Variants in PPP4R4 observed in about 807,000 individuals in gnomAD.
PPP4R4 encodes the protein serine/threonine-protein phosphatase 4 regulatory subunit 4.
A neutral mutation model predicts 121.8 loss-of-function variants in PPP4R4; 70 were observed. The observed-to-expected ratio is 0.57, with a 90% confidence interval of 0.47 to 0.70. PPP4R4 has a LOEUF of 0.70. PPP4R4 is among the 30% of genes least tolerant of loss of function. PPP4R4 has a pLI of 0.00. For missense variants in PPP4R4, 875 were observed against 1,033.6 expected (o/e 0.85, Z 2.10); for synonymous variants, 348 against 355.7 (o/e 0.98, Z 0.24).
At chr14:94,277,054 T>C (rs1301427880) in intron 24 of PPP4R4, among the ~76,000 whole-genome samples, 1 of 152,044 alleles carries the variant, frequency 6.6e-6, no homozygotes, top group African/African-American at 2.4e-5. Context: ...ATCCCAGCAA[T>C]ATGGGAGGCC....
intron 17 of PPP4R4, among the ~76,000 whole-genome samples, chr14:94,257,673 A>ACACACACACACACACG (rs1305982965): frequency 6.7e-6 from 1 of 148,852 alleles, no homozygotes; most frequent in African/African-American, 2.5e-5. Context: ...ACACACACAC[A>ACACACACACACACACG]CACTTGTTTC....
intron 13 of PPP4R4, 30 bp downstream of exon 13, chr14:94,245,700 G>T: frequency 6.8e-7 from 1 of 1,461,810 alleles, no homozygotes; most frequent in Non-Finnish European, 9.5e-7. Flanking sequence ...AACATTCTGA[G>T]TTGTGTAAAT....
In PPP4R4 at chr14:94,248,702, A is replaced by G. The variant is rs144882900; in HGVS notation, c.1612-1470A>G. On this transcript the variant is annotated intron_variant, in intron 14 of 24. Coordinates refer to ENST00000304338, the MANE Select transcript of PPP4R4 (RefSeq NM_058237.2). ...AATTGGTGATTTCATTATAACTTGA[A>G]AAATAATTTTAAAATTCCATCATTT... 8.6e-3 allele frequency among the ~76,000 whole-genome samples: 1,311 copies of G among 152,288 alleles called. 24 individuals carry two copies. Among genetic ancestry groups the G allele is most frequent in the African/African-American group, 0.029 (1,223 of 41,560 alleles).
chr14:94,183,083 G>T (rs1207156394), intron 2 of PPP4R4, among the ~76,000 whole-genome samples: 1 of 151,994 alleles, frequency 6.6e-6, no homozygotes, highest in Admixed American at 6.6e-5. Context: ...GTTTTACTTG[G>T]CTACACTGTT....
chr14:94,193,296 A>T (rs1319581104), intron 2 of PPP4R4, among the ~76,000 whole-genome samples: 3 of 152,182 alleles, frequency 2.0e-5, no homozygotes, highest in Non-Finnish European at 4.4e-5. Flanking sequence ...CTGGATGCAC[A>T]GTTTGGACAG....
chr14:94,225,509 C>T (rs1595495909), intron 3 of PPP4R4, among the ~76,000 whole-genome samples: 1 of 152,200 alleles, frequency 6.6e-6, no homozygotes, highest in Non-Finnish European at 1.5e-5. Flanking sequence ...AGCCCAGCTT[C>T]AAATCATCCA....
chr14:94,219,298 A>G (rs1271019783), intron 3 of PPP4R4, among the ~76,000 whole-genome samples: 2 of 151,154 alleles, frequency 1.3e-5, no homozygotes, highest in Admixed American at 1.3e-4. Context: ...TTGGTCTTGA[A>G]CTCCTGACCT....
intron 23 of PPP4R4, among the ~76,000 whole-genome samples, chr14:94,269,603 C>T (rs1454372746): frequency 6.6e-6 from 1 of 151,736 alleles, no homozygotes; most frequent in Admixed American, 6.6e-5. Flanking sequence ...ATGGTGTGAA[C>T]CCGGGAGGCA....
intron 2 of PPP4R4, among the ~76,000 whole-genome samples, chr14:94,195,856 A>C (rs1889843002): frequency 6.6e-6 from 1 of 152,158 alleles, no homozygotes; most frequent in African/African-American, 2.4e-5. Flanking sequence ...TTAATTATAG[A>C]AATTAAAGAT....
At chr14:94,229,308 C>T (rs949501098) in intron 3 of PPP4R4, among the ~76,000 whole-genome samples, 8 of 151,782 alleles carry the variant, frequency 5.3e-5, no homozygotes, top group Non-Finnish European at 1.0e-4. Flanking sequence ...GAAGGTAGAC[C>T]CTTCAGGATT....
At chr14:94,227,390 A>G (rs1891776573) in intron 3 of PPP4R4, 1 of 1,601,900 alleles carries the variant, frequency 6.2e-7, no homozygotes, top group Admixed American at 1.7e-5. Context: ...TAAGTATTGA[A>G]CTCTTATTGT....
intron 19 of PPP4R4, among the ~76,000 whole-genome samples, chr14:94,263,068 C>T (rs1172422462): frequency 6.6e-6 from 1 of 151,976 alleles, no homozygotes; most frequent in African/African-American, 2.4e-5. Context: ...TTGTTTTTAG[C>T]AGCTTACTTT....
At chr14:94,194,908 C>G (rs1889788190) in intron 2 of PPP4R4, among the ~76,000 whole-genome samples, 1 of 152,230 alleles carries the variant, frequency 6.6e-6, no homozygotes, top group African/African-American at 2.4e-5. Context: ...ACCCTTTTGT[C>G]TGATACACAA....
intron 3 of PPP4R4, among the ~76,000 whole-genome samples, chr14:94,215,247 G>A (rs1272351632): frequency 6.6e-6 from 1 of 152,078 alleles, no homozygotes; most frequent in African/African-American, 2.4e-5. Flanking sequence ...AAAAAATTCA[G>A]TGTTTATGAA....
At position 94,190,048 on chromosome 14, in the gene PPP4R4, C is replaced by CT. The variant is rs34015633; in HGVS notation, c.191+13936dup. ...TGCCAGGGATTTGGCTTGCTTTTAT[C>CT]TTTTTTTTTTTTTTTGAGATAGGGT... is the stretch of plus-strand genomic sequence containing the variant. On this transcript the variant is annotated intron_variant, in intron 2 of 24. Coordinates refer to ENST00000304338, the MANE Select transcript of PPP4R4 (RefSeq NM_058237.2). Among the ~76,000 whole-genome samples, 1,354 of 143,404 alleles carry CT rather than the reference C, an allele frequency of 9.4e-3. 23 individuals are homozygous for CT. Among genetic ancestry groups the CT allele is most frequent in the African/African-American group, 0.032 (1,249 of 39,156 alleles). 94.1% of individuals were successfully genotyped at this position (143,404 alleles called of 152,430 possible). A position where few individuals can be genotyped will look rare whatever the true frequency, so the allele number is the denominator to read the frequency against.
intron 18 of PPP4R4, 83 bp downstream of exon 18, chr14:94,258,907 A>G: frequency 7.8e-7 from 1 of 1,274,572 alleles, no homozygotes; most frequent in South Asian, 1.3e-5. Context: ...GCAATTTACA[A>G]AAGAAAGAGG....
chr14:94,250,421 C>T (rs1302254473), intron 15 of PPP4R4, 144 bp downstream of exon 15: 1 of 594,744 alleles, frequency 1.7e-6, no homozygotes, highest in Non-Finnish European at 3.0e-6. Flanking sequence ...TCTAGAAATC[C>T]TTATGGCAAG....
intron 22 of PPP4R4, 134 bp downstream of exon 22, chr14:94,266,021 T>C (rs942291175): frequency 2.3e-5 from 13 of 577,248 alleles, no homozygotes; most frequent in Middle Eastern, 5.0e-4. Flanking sequence ...TTGTGAGTGT[T>C]CTTCTGTAGG....
At chr14:94,175,914 C>T in intron 1 of PPP4R4, 140 bp from the exon 2 acceptor site, 2 of 694,766 alleles carry the variant, frequency 2.9e-6, no homozygotes, top group Non-Finnish European at 5.1e-6. Context: ...GTATCCTCAG[C>T]TCCTTGATTA....
Sources: allele counts gnomAD v4.1 joint callset (sites outside exome capture counted in the v4.1 genomes callset), GRCh38; gene constraint gnomAD v4.1.1; transcripts MANE v1.5; gene names NCBI Gene and HGNC (gene_info 2026-07-23, HGNC 2026-07-21).